Variants in CNNM2 observed in about 807,000 individuals in gnomAD.
CNNM2 encodes cyclin and CBS domain divalent metal cation transport mediator 2, also known as metal transporter CNNM2.
A neutral mutation model predicts 66.9 loss-of-function variants in CNNM2; 12 were observed. The ratio of observed to expected loss-of-function variants is 0.18; its 90% CI spans 0.11 to 0.29. The LOEUF (loss-of-function observed/expected upper bound fraction) is 0.29, where lower values mean the gene tolerates loss of function less well. CNNM2 is among the 10% of genes least tolerant of loss of function. The probability of loss-of-function intolerance (pLI) is 1.00; values close to 1 mark genes in which losing one functional copy is unlikely to be tolerated. For synonymous variants in CNNM2, 557 were observed against 501.8 expected (o/e 1.11, Z -1.47); for missense variants, 705 against 1,167.7 (o/e 0.60, Z 5.77).
chr10:103,018,480 G>A (rs1392204512), intron 1 of CNNM2, among the ~76,000 whole-genome samples: 4 of 152,092 alleles, frequency 2.6e-5, no homozygotes. Context: ...CCAGCAGATA[G>A]ATAATGAAAA....
At chr10:103,008,792 A>AAC (rs1178582148) in intron 1 of CNNM2, among the ~76,000 whole-genome samples, 2 of 151,552 alleles carry the variant, frequency 1.3e-5, no homozygotes, top group East Asian at 3.9e-4. Flanking sequence ...AAAAAAAAAA[A>AAC]AAAAAACCCA....
At chr10:103,011,976 C>T (rs1236285021) in intron 1 of CNNM2, among the ~76,000 whole-genome samples, 10 of 152,066 alleles carry the variant, frequency 6.6e-5, no homozygotes, top group Admixed American at 3.3e-4. Flanking sequence ...CAAGTGTGAG[C>T]CACCATGCCC....
At chr10:103,071,042 GCA>G (rs796473384) in intron 5 of CNNM2, among the ~76,000 whole-genome samples, 4 of 152,278 alleles carry the variant, frequency 2.6e-5, no homozygotes, top group African/African-American at 9.6e-5. Flanking sequence ...TCATTGAGAG[GCA>G]CAGTTAGTAC....
chr10:103,022,861 C>T (rs2064614645), intron 1 of CNNM2, among the ~76,000 whole-genome samples: 1 of 152,084 alleles, frequency 6.6e-6, no homozygotes. Context: ...AGATGTATCA[C>T]ATGGCAAGAG....
Position 102,919,523 on chromosome 10 carries a change from C to G in CNNM2, c.1043C>G (p.Ser348Cys). The change falls in exon 1 of 8, where the codon TCC (serine) becomes TGC (cysteine). Residue 348 changes from serine to cysteine, a missense_variant. Transcript: ENST00000369878. ...AGSGLVAVVV[S>C]TIGIVIFGEI... Reference sequence around the variant, plus strand: ...TCGGGCCTCGTGGCCGTGGTAGTCTCCACCATCGGTATCGTCATCTTCGGA... The same window carrying G: ...TCGGGCCTCGTGGCCGTGGTAGTCTGCACCATCGGTATCGTCATCTTCGGA... 1 of 1,613,198 alleles carries G rather than the reference C, an allele frequency of 6.2e-7. No homozygotes were observed. The highest frequency in any genetic ancestry group is 8.5e-7 in the Non-Finnish European group (1 of 1,180,038).
At chr10:103,068,541 A>G in intron 4 of CNNM2, 88 bp from the exon 5 acceptor site, 1 of 1,120,858 alleles carries the variant, frequency 8.9e-7, no homozygotes, top group South Asian at 1.3e-5. Flanking sequence ...AAATCAGACA[A>G]AAATCTAAGG....
intron 1 of CNNM2, among the ~76,000 whole-genome samples, chr10:102,920,379 T>TA (rs201216801): frequency 2.2e-4 from 34 of 151,792 alleles, no homozygotes; most frequent in African/African-American, 7.0e-4. Context: ...CTTATTTATT[T>TA]TTTTTTTTTT....
chr10:103,083,898 G>GAT lies in CNNM2; in HGVS notation c.*6720_*6721dup, dbSNP rs2065779561. 6.6e-6 allele frequency: 1 copy of GAT among 152,270 alleles called. No individual in the cohort carries two copies. The highest frequency in any genetic ancestry group is 1.5e-5 in the Non-Finnish European group (1 of 68,066). 9.4% of individuals were successfully genotyped at this position (152,270 alleles called of 1,614,324 possible). A position where few individuals can be genotyped will look rare whatever the true frequency, so the allele number is the denominator to read the frequency against. ...TGGGAGGAAGGTCGGAGCAGGCATGGATAGTCACTTTCAAGTGGAAAACAT... is the reference window on the plus strand; with the variant it reads ...TGGGAGGAAGGTCGGAGCAGGCATGGATATAGTCACTTTCAAGTGGAAAACAT... On this transcript the variant is annotated 3_prime_UTR_variant, in exon 8 of 8. Transcript: ENST00000369878.
intron 1 of CNNM2, among the ~76,000 whole-genome samples, chr10:102,977,994 C>T (rs1321570113): frequency 1.3e-5 from 2 of 152,002 alleles, no homozygotes; most frequent in African/African-American, 2.4e-5. Flanking sequence ...ACCACAACCT[C>T]CACCTCCTGG....
chr10:103,049,961 G>C, intron 2 of CNNM2, 111 bp downstream of exon 2: 4 of 1,021,404 alleles, frequency 3.9e-6, no homozygotes, highest in Non-Finnish European at 5.8e-6. Context: ...AATGACACAT[G>C]ATGTGTGTAG....
At chr10:102,963,521 TG>T (rs1281776690) in intron 1 of CNNM2, among the ~76,000 whole-genome samples, 2 of 152,244 alleles carry the variant, frequency 1.3e-5, no homozygotes, top group Non-Finnish European at 2.9e-5. Context: ...AGATTAAAGC[TG>T]TTCTCCATCT....
intron 1 of CNNM2, among the ~76,000 whole-genome samples, chr10:102,955,114 C>T (rs933227784): frequency 6.6e-6 from 1 of 152,146 alleles, no homozygotes; most frequent in African/African-American, 2.4e-5. Flanking sequence ...GTCACACTAC[C>T]TGACTTCAAA....
intron 1 of CNNM2, among the ~76,000 whole-genome samples, chr10:102,927,008 C>T (rs1845891673): frequency 6.6e-6 from 1 of 151,690 alleles, no homozygotes; most frequent in South Asian, 2.1e-4. Context: ...CATGAGACAC[C>T]ATGCCTGACC....
chr10:102,976,400 T>C (rs1294865147), intron 1 of CNNM2, among the ~76,000 whole-genome samples: 3 of 150,236 alleles, frequency 2.0e-5, no homozygotes, highest in Non-Finnish European at 4.4e-5. Context: ...ATTATGTCTG[T>C]TACAGTATCA....
chr10:103,066,872 G>GA (rs2065487459), intron 4 of CNNM2, among the ~76,000 whole-genome samples: 1 of 152,162 alleles, frequency 6.6e-6, no homozygotes, highest in African/African-American at 2.4e-5. Flanking sequence ...CCTGTGTGGG[G>GA]AAGGTTTGTA....
At chr10:103,046,613 C>A (rs769563936) in intron 1 of CNNM2, among the ~76,000 whole-genome samples, 5 of 152,148 alleles carry the variant, frequency 3.3e-5, no homozygotes, top group Non-Finnish European at 7.3e-5. Flanking sequence ...GGACAATAAT[C>A]CATTGCTTGC....
chr10:103,050,551 A>T (rs1590462546), intron 2 of CNNM2, among the ~76,000 whole-genome samples: 1 of 152,062 alleles, frequency 6.6e-6, no homozygotes, highest in African/African-American at 2.4e-5. Context: ...AAAAAAAAAA[A>T]AGTGAATGGG....
rs2065767524 is a variant in CNNM2 at position 103,082,585 on chromosome 10, T to A, written c.*5405T>A. Reference sequence around the variant, plus strand: ...TGCCTGTTAGTACTTCGTCTGTGACTAGGACAAGGTCTGTCTTGAAGCTTC... The same window carrying A: ...TGCCTGTTAGTACTTCGTCTGTGACAAGGACAAGGTCTGTCTTGAAGCTTC... On this transcript the variant is annotated 3_prime_UTR_variant, in exon 8 of 8. Coordinates refer to ENST00000369878, the MANE Select transcript of CNNM2 (RefSeq NM_017649.5). 6.6e-6 allele frequency: 1 copy of A among 152,390 alleles called. No homozygotes were observed. The highest frequency in any genetic ancestry group is 2.1e-4 in the South Asian group (1 of 4,832). The allele number at this position is 152,390 out of a possible 1,614,324, so 9.4% of individuals were successfully genotyped here. A position where few individuals can be genotyped will look rare whatever the true frequency, so the allele number is the denominator to read the frequency against.
chr10:103,068,096 T>C (rs1165804677), intron 4 of CNNM2, among the ~76,000 whole-genome samples: 2 of 152,198 alleles, frequency 1.3e-5, no homozygotes, highest in African/African-American at 2.4e-5. Flanking sequence ...CCCAGCATCA[T>C]CTTGGTGCTG....
Sources: gnomAD v4.1 joint callset for allele counts (sites outside exome capture counted in the v4.1 genomes callset) on GRCh38, gnomAD v4.1.1 for gene constraint, MANE v1.5 for transcripts, NCBI Gene and HGNC (gene_info 2026-07-23, HGNC 2026-07-21) for gene names.